EIF3A: variants seen among roughly 807,000 people sequenced by gnomAD.
The protein encoded by EIF3A is EIF3, p180 subunit.
In EIF3A, 21 loss-of-function variants were observed where a neutral mutation model predicts 186.6. The ratio of observed to expected loss-of-function variants is 0.11; its 90% CI spans 0.08 to 0.16. EIF3A has a LOEUF of 0.16. Ranked by LOEUF, EIF3A falls within the 10% of genes least tolerant of loss-of-function variation. EIF3A has a pLI of 1.00. For synonymous variants in EIF3A, 563 were observed against 584.3 expected (o/e 0.96, Z 0.52); for missense variants, 1,306 against 1,796.3 (o/e 0.73, Z 4.93).
intron 4 of EIF3A, 52 bp from the exon 5 acceptor site, chr10:119,071,137 T>C: frequency 1.6e-6 from 2 of 1,267,938 alleles, no homozygotes; most frequent in Non-Finnish European, 2.3e-6. Context: ...TCTACTTAAA[T>C]ATTTGAATAG....
Position 119,038,429 on chromosome 10 carries a change from T to C in EIF3A, c.3537A>G (p.Arg1179=), listed in dbSNP as rs1485770870. 1.2e-6 allele frequency: 2 copies of C among 1,611,994 alleles called. No individual in the cohort carries two copies. The highest frequency in any genetic ancestry group is 1.1e-5 in the South Asian group (1 of 90,376). The change falls in exon 20 of 22, where the codon AGA becomes AGG. Residue 1179 remains arginine, a synonymous_variant. Transcript: ENST00000369144. The stretch of plus-strand genomic sequence containing the variant: ...TCTCCTCTCTGGCTTTTTCTTTCTC[T>C]CTCCATCCACCTGTTTTTTTGAAAA... ...WRPLVKPGGW[R]EKEKAREESW...
Position 119,075,621 on chromosome 10 carries a change from A to G in EIF3A, c.50-1684T>C, listed in dbSNP as rs75296600. Among the ~76,000 whole-genome samples the G allele has an allele frequency of 3.0e-3, 337 of 111,680 alleles. 11 individuals are homozygous for G. The highest frequency in any genetic ancestry group is 0.01 in the African/African-American group (292 of 29,084). The allele number at this position is 111,680 out of a possible 152,430, so 73.3% of individuals were successfully genotyped here. ...CTAAAACACTACACTAAAAAAAAAA[A>G]GGGGGGGAGCTTAAAACACTATATA... On this transcript the variant is annotated intron_variant, in intron 1 of 21. Transcript: ENST00000369144.
intron 6 of EIF3A, among the ~76,000 whole-genome samples, chr10:119,067,783 C>T (rs1844004430): frequency 6.6e-6 from 1 of 152,058 alleles, no homozygotes; most frequent in African/African-American, 2.4e-5. Flanking sequence ...TACAAGAAAA[C>T]AGGTGGTATG....
At chr10:119,068,235 C>T (rs1844011188) in intron 6 of EIF3A, among the ~76,000 whole-genome samples, 1 of 152,090 alleles carries the variant, frequency 6.6e-6, no homozygotes, top group Non-Finnish European at 1.5e-5. Flanking sequence ...TTTCTCTGAA[C>T]GTGTGGAGCA....
At chr10:119,077,438 G>T (rs1365122402) in intron 1 of EIF3A, among the ~76,000 whole-genome samples, 2 of 152,136 alleles carry the variant, frequency 1.3e-5, no homozygotes, top group Non-Finnish European at 2.9e-5. Flanking sequence ...CCAACAGAGA[G>T]AGATTCTGTC....
intron 19 of EIF3A, among the ~76,000 whole-genome samples, chr10:119,040,196 A>G (rs1299650331): frequency 6.6e-6 from 1 of 152,226 alleles, no homozygotes; most frequent in Non-Finnish European, 1.5e-5. Flanking sequence ...ACCCAAAATT[A>G]AAACTGGGAG....
intron 16 of EIF3A, 136 bp downstream of exon 16, chr10:119,050,385 T>C (rs1418593227): frequency 3.7e-6 from 3 of 820,318 alleles, no homozygotes; most frequent in Non-Finnish European, 5.8e-6. Context: ...GCAAACTGGG[T>C]TCTGAGATCC....
chr10:119,052,165 C>G (rs545271446), intron 14 of EIF3A, among the ~76,000 whole-genome samples: 3 of 152,272 alleles, frequency 2.0e-5, no homozygotes, highest in Admixed American at 2.0e-4. Flanking sequence ...CTCTCAAACC[C>G]TGCTGCTGCT....
chr10:119,057,767 T>C (rs888792583), intron 12 of EIF3A, among the ~76,000 whole-genome samples, 189 bp downstream of exon 12: 4 of 151,970 alleles, frequency 2.6e-5, no homozygotes, highest in African/African-American at 9.7e-5. Flanking sequence ...AAGATAATAC[T>C]CCGTCTCAAA....
At chr10:119,065,323 A>G in intron 7 of EIF3A, 76 bp downstream of exon 7, 1 of 1,064,202 alleles carries the variant, frequency 9.4e-7, no homozygotes, top group Non-Finnish European at 1.4e-6. Flanking sequence ...AATTCCCAGT[A>G]TTTAATCATG....
chr10:119,036,136 T>C lies in EIF3A; in HGVS notation c.4052A>G (p.Lys1351Arg), dbSNP rs375661097. 43 of 1,613,960 alleles carry C rather than the reference T, an allele frequency of 2.7e-5. No homozygotes were observed. Among genetic ancestry groups the C allele is most frequent in the Non-Finnish European group, 3.6e-5 (42 of 1,180,010 alleles). Residue 1351 changes from lysine (K) to arginine (R), a missense_variant, in exon 22 of 22, where the codon AAA (lysine) becomes AGA (arginine). Physicochemically the swap from Lys to Arg is conservative, Grantham distance 26. Around this residue, in one of 8 missense-constraint regions of EIF3A, gnomAD observed 331 missense variants for 365.8 expected, o/e 0.90. Transcript: ENST00000369144. ...RDRDREREGE[K>R]EKASWRAEKD... is the part of the protein sequence containing the mutation. ...CTCAGCTCTCCATGAGGCCTTCTCTTTTTCACCTTCTCTTTCTCGGTCTCG... is the reference window on the plus strand; with the variant it reads ...CTCAGCTCTCCATGAGGCCTTCTCTCTTTCACCTTCTCTTTCTCGGTCTCG...
intron 14 of EIF3A, 61 bp downstream of exon 14, chr10:119,056,679 C>T: frequency 9.4e-7 from 1 of 1,066,788 alleles, no homozygotes; most frequent in East Asian, 2.5e-5. Context: ...ATCCTTGGTT[C>T]CATTACTGGC....
intron 1 of EIF3A, chr10:119,080,246 G>T: frequency 1.1e-6 from 1 of 922,362 alleles, no homozygotes; most frequent in Non-Finnish European, 1.3e-6. Context: ...GGCACTCCCA[G>T]ATGGCGGCCG....
intron 1 of EIF3A, among the ~76,000 whole-genome samples, chr10:119,074,887 C>T (rs535448816): frequency 3.5e-5 from 4 of 115,670 alleles, no homozygotes; most frequent in Middle Eastern, 6.0e-3. Flanking sequence ...CACTGCACTC[C>T]GGCCCGGGCA....
chr10:119,055,340 G>A (rs752381070), intron 14 of EIF3A, among the ~76,000 whole-genome samples: 10 of 152,124 alleles, frequency 6.6e-5, no homozygotes, highest in Non-Finnish European at 1.0e-4. Flanking sequence ...TAAGTTCACC[G>A]CCTTCTATGA....
chr10:119,042,661 G>T lies in EIF3A; in HGVS notation c.2859C>A (p.Asp953Glu). Residue 953 changes from aspartate to glutamate, a missense_variant, in exon 19 of 22, where the codon GAC becomes GAA. Asp to Glu is a conservative substitution (Grantham distance 45, BLOSUM62 2). Around this residue, in one of 8 missense-constraint regions of EIF3A, gnomAD observed 410 missense variants for 473.5 expected, o/e 0.87. Coordinates refer to ENST00000369144, the MANE Select transcript of EIF3A (RefSeq NM_003750.4). The surrounding 1 kb of genome is among the most constrained non-coding windows in gnomAD (Gnocchi z 7.8). ...TGCCACGCCGGGGAACCCGATCATC[G>T]TCTGGTCTAAGAGAGGGCTCTCTAT... ...DEDREPSLRPDDDRVPRRGMD... is the reference protein window; with the variant it reads ...DEDREPSLRPEDDRVPRRGMD... 1 of 1,614,180 alleles carries T rather than the reference G, an allele frequency of 6.2e-7. No individual in the cohort carries two copies. Among genetic ancestry groups the T allele is most frequent in the Non-Finnish European group, 8.5e-7 (1 of 1,180,050 alleles).
Position 119,037,232 on chromosome 10 carries a change from T to C in EIF3A, c.3806A>G (p.Asp1269Gly), listed in dbSNP as rs1372198669. Residue 1269 changes from aspartate to glycine, a missense_variant, in exon 21 of 22, where the codon GAT becomes GGT. Asp to Gly is a moderately conservative substitution (Grantham distance 94, BLOSUM62 -1). Coordinates refer to ENST00000369144, the MANE Select transcript of EIF3A (RefSeq NM_003750.4). ...WRDSSRRDDR[D>G]RDDRRRERDD... ...CCTCTCACGGCGACGGTCATCCCTA[T>C]CCCTATCGTCCCGGCGACTTGAGTC... 1.9e-6 allele frequency: 3 copies of C among 1,613,910 alleles called. No individual in the cohort carries two copies. The highest frequency in any genetic ancestry group is 1.3e-5 in the African/African-American group (1 of 74,886).
rs560370678 is a variant in EIF3A at position 119,060,878 on chromosome 10, C to T, written c.1228-34G>A. 208 of 1,427,088 alleles carry T rather than the reference C, an allele frequency of 1.5e-4. No homozygotes were observed. In the Middle Eastern group the frequency reaches 1.6e-3, roughly 11 times the overall value. The allele number at this position is 1,427,088 out of a possible 1,614,324, so 88.4% of individuals were successfully genotyped here. ...TCCATTAAATTGAAAGAGAATCACA[C>T]TTTCTACATAAGAGATACTAAAACA... On this transcript the variant is annotated intron_variant, in intron 8 of 21. Transcript: ENST00000369144.
chr10:119,058,532 G>A (rs1252206334), intron 11 of EIF3A, among the ~76,000 whole-genome samples: 1 of 152,176 alleles, frequency 6.6e-6, no homozygotes, highest in East Asian at 1.9e-4. Context: ...TCCTAGATAA[G>A]ACAACTTTTC....
Sources: allele counts gnomAD v4.1 joint callset (sites outside exome capture counted in the v4.1 genomes callset), GRCh38; gene constraint gnomAD v4.1.1; regional missense constraint gnomAD v4.1.1; non-coding constraint Gnocchi (gnomAD v3.1); transcripts MANE v1.5; gene names NCBI Gene and HGNC (gene_info 2026-07-23, HGNC 2026-07-21).